Variants in ATP8A1 observed in about 807,000 individuals in gnomAD.
ATP8A1 encodes phospholipid-transporting ATPase IA.
ATP8A1 carries 90 observed loss-of-function variants against 177.7 expected under a neutral mutation model. That is an observed-to-expected ratio of 0.51 (90% CI 0.43 to 0.60). The LOEUF is 0.60. ATP8A1 is among the 20% of genes least tolerant of loss of function. The pLI is 0.00. For missense variants in ATP8A1, 1,072 were observed against 1,392.8 expected (o/e 0.77, Z 3.67); for synonymous variants, 493 against 485.9 (o/e 1.01, Z -0.19).
At chr4:42,547,457 G>A (rs1257782030) in intron 19 of ATP8A1, among the ~76,000 whole-genome samples, 2 of 152,152 alleles carry the variant, frequency 1.3e-5, no homozygotes, top group Non-Finnish European at 2.9e-5. Flanking sequence ...ATTGAGTCCT[G>A]AAAGAACAGA....
chr4:42,434,817 A>C (rs372770897), intron 33 of ATP8A1, among the ~76,000 whole-genome samples: 1 of 152,200 alleles, frequency 6.6e-6, no homozygotes, highest in Non-Finnish European at 1.5e-5. Context: ...TAGAGCTCAG[A>C]CAGCCATTCT....
At chr4:42,495,482 C>T (rs1368457326) in intron 24 of ATP8A1, among the ~76,000 whole-genome samples, 2 of 152,316 alleles carry the variant, frequency 1.3e-5, no homozygotes, top group East Asian at 1.9e-4. Context: ...TAGGGAGAAA[C>T]TACATTTATG....
At chr4:42,583,065 T>C (rs1484502629) in intron 9 of ATP8A1, among the ~76,000 whole-genome samples, 1 of 152,152 alleles carries the variant, frequency 6.6e-6, no homozygotes, top group Non-Finnish European at 1.5e-5. Flanking sequence ...CAGAACTTCT[T>C]TGTAAGTGGA....
At chr4:42,600,626 G>T in intron 5 of ATP8A1, 108 bp from the exon 6 acceptor site, 1 of 975,424 alleles carries the variant, frequency 1.0e-6, no homozygotes, top group Non-Finnish European at 1.5e-6. Flanking sequence ...ATAACTAGTA[G>T]CAATTTTTAT....
chr4:42,443,673 C>CTGT lies in ATP8A1; in HGVS notation c.3016-4_3016-2dup. ...TCCCCCATATCGCTATGTGGCTGAA[C>CTGT]TGTAGAGCAAGGAAATCTGAGTCAA... On this transcript the variant is annotated splice_acceptor_variant, in intron 32 of 36. Coordinates refer to ENST00000381668, the MANE Select transcript of ATP8A1 (RefSeq NM_006095.2). LOFTEE classifies it high-confidence loss of function. The CTGT allele has an allele frequency of 7.1e-7, 1 of 1,406,722 alleles. No homozygotes were observed. Among genetic ancestry groups the CTGT allele is most frequent in the Non-Finnish European group, 1.0e-6 (1 of 991,318 alleles). 87.1% of individuals were successfully genotyped at this position (1,406,722 alleles called of 1,614,324 possible).
chr4:42,483,352 A>T (rs1481459841), intron 25 of ATP8A1, among the ~76,000 whole-genome samples: 3 of 147,166 alleles, frequency 2.0e-5, no homozygotes, highest in African/African-American at 7.5e-5. Flanking sequence ...AGAAGAAAAA[A>T]GCTGAGGAAA....
At chr4:42,642,432 A>T (rs1243249083) in intron 1 of ATP8A1, among the ~76,000 whole-genome samples, 1 of 152,210 alleles carries the variant, frequency 6.6e-6, no homozygotes, top group Non-Finnish European at 1.5e-5. Context: ...TTCACAAAAC[A>T]AAGTAAGGAA....
chr4:42,632,941 G>T (rs1022884023), intron 1 of ATP8A1, among the ~76,000 whole-genome samples: 1 of 152,198 alleles, frequency 6.6e-6, no homozygotes, highest in African/African-American at 2.4e-5. Context: ...ATTAATATCT[G>T]CTGAGCAGCA....
intron 1 of ATP8A1, among the ~76,000 whole-genome samples, chr4:42,646,545 G>T (rs1740555403): frequency 6.6e-6 from 1 of 152,212 alleles, no homozygotes; most frequent in South Asian, 2.1e-4. Flanking sequence ...CTGAACTGGT[G>T]TAGGCTGGCA....
At chr4:42,495,914 T>C (rs781079803) in intron 24 of ATP8A1, among the ~76,000 whole-genome samples, 5 of 152,074 alleles carry the variant, frequency 3.3e-5, no homozygotes, top group Admixed American at 6.5e-5. Context: ...TACACAAATA[T>C]AGGTTTCCCA....
At chr4:42,507,530 C>T (rs1280248064) in intron 22 of ATP8A1, among the ~76,000 whole-genome samples, 1 of 151,724 alleles carries the variant, frequency 6.6e-6, no homozygotes, top group Admixed American at 6.6e-5. Context: ...GAGCTCAAGA[C>T]CAGCCTGGCC....
intron 6 of ATP8A1, 140 bp from the exon 7 acceptor site, chr4:42,591,024 C>T: frequency 1.4e-6 from 1 of 723,146 alleles, no homozygotes; most frequent in South Asian, 1.9e-5. Flanking sequence ...ACATCTAATG[C>T]CAATTTTTTT....
rs144322766 is a variant in ATP8A1, at chr4:42,528,187, C to T, written c.1723-3340G>A. Among the ~76,000 whole-genome samples, 326 of 152,232 alleles carry T rather than the reference C, an allele frequency of 2.1e-3. 1 individual carries two copies. Among genetic ancestry groups the T allele is most frequent in the African/African-American group, 7.6e-3 (314 of 41,538 alleles). Reference sequence around the variant, plus strand: ...CATCCTGTGGTCATTTCCCTGATGCCAGAATGCATAATTGGCATAGACATA... The same window carrying T: ...CATCCTGTGGTCATTTCCCTGATGCTAGAATGCATAATTGGCATAGACATA... On this transcript the variant is annotated intron_variant, in intron 20 of 36. Coordinates refer to ENST00000381668, the MANE Select transcript of ATP8A1 (RefSeq NM_006095.2).
At chr4:42,454,478 A>T (rs1718263074) in intron 29 of ATP8A1, among the ~76,000 whole-genome samples, 1 of 152,228 alleles carries the variant, frequency 6.6e-6, no homozygotes, top group African/African-American at 2.4e-5. Flanking sequence ...AGTGTATTTT[A>T]TTTGTTGCTT....
At chr4:42,516,427 CATA>C (rs752529039) in intron 22 of ATP8A1, among the ~76,000 whole-genome samples, 12 of 152,118 alleles carry the variant, frequency 7.9e-5, no homozygotes, top group Non-Finnish European at 1.5e-4. Flanking sequence ...ATCCACGCAT[CATA>C]ATAAGAGAAA....
chr4:42,475,996 C>A (rs567457311), intron 25 of ATP8A1, among the ~76,000 whole-genome samples: 2 of 151,998 alleles, frequency 1.3e-5, no homozygotes, highest in South Asian at 4.2e-4. Context: ...GCTGAGATCA[C>A]ACCATTGCAC....
At chr4:42,461,750 AAG>A (rs1196010126) in intron 27 of ATP8A1, among the ~76,000 whole-genome samples, 2 of 152,200 alleles carry the variant, frequency 1.3e-5, no homozygotes, top group African/African-American at 4.8e-5. Context: ...CAGAGGTTGG[AAG>A]AGTTTGGAGA....
chr4:42,426,054 C>T (rs1166325978), intron 33 of ATP8A1, among the ~76,000 whole-genome samples: 1 of 152,210 alleles, frequency 6.6e-6, no homozygotes, highest in East Asian at 1.9e-4. Context: ...CCTGAAAACA[C>T]AACTTGCAGA....
At chr4:42,472,407 TA>T (rs35603880) in intron 25 of ATP8A1, 18,786 of 251,430 alleles carry the variant, frequency 0.075, 210 homozygotes, top group South Asian at 0.15. Context: ...AATTCACAGT[TA>T]AAAAAAAAAA....
Sources: gnomAD v4.1 joint callset for allele counts (sites outside exome capture counted in the v4.1 genomes callset) on GRCh38, gnomAD v4.1.1 for gene constraint, MANE v1.5 for transcripts, NCBI Gene and HGNC (gene_info 2026-07-23, HGNC 2026-07-21) for gene names.